DPYD: variants seen among roughly 807,000 people sequenced by gnomAD.
DPYD encodes dihydropyrimidine dehydrogenase [NADP(+)].
A neutral mutation model predicts 116.2 loss-of-function variants in DPYD; 109 were observed. The ratio of observed to expected loss-of-function variants is 0.94; its 90% CI spans 0.80 to 1.10. The LOEUF is 1.10. Among genes scored for constraint, DPYD ranks in the 50% least tolerant of loss-of-function variants. The pLI, the probability that DPYD is intolerant of heterozygous loss-of-function variation, is 0.00. For synonymous variants in DPYD, 440 were observed against 432.0 expected (o/e 1.02, Z -0.23); for missense variants, 1,302 against 1,254.5 (o/e 1.04, Z -0.57).
intron 14 of DPYD, among the ~76,000 whole-genome samples, chr1:97,401,815 G>T (rs1673394507): frequency 6.6e-6 from 1 of 152,100 alleles, no homozygotes; most frequent in South Asian, 2.1e-4. Context: ...TTGGTGAAGG[G>T]TGTGTCTAGA....
intron 20 of DPYD, among the ~76,000 whole-genome samples, chr1:97,115,768 T>C (rs1414483744): frequency 1.3e-5 from 2 of 152,150 alleles, no homozygotes; most frequent in Non-Finnish European, 2.9e-5. Flanking sequence ...TAATTTAGAA[T>C]GGTAGATATC....
At chr1:97,499,813 C>T (rs1679475248) in intron 13 of DPYD, among the ~76,000 whole-genome samples, 1 of 151,858 alleles carries the variant, frequency 6.6e-6, no homozygotes, top group Non-Finnish European at 1.5e-5. Flanking sequence ...GTTTTATTTA[C>T]ACAATAGTGT....
intron 8 of DPYD, among the ~76,000 whole-genome samples, chr1:97,637,212 C>G (rs1021612983): frequency 2.0e-5 from 3 of 152,010 alleles, no homozygotes; most frequent in Non-Finnish European, 4.4e-5. Flanking sequence ...ACCACACACA[C>G]CTCATAAATG....
At chr1:97,284,277 T>G (rs946112886) in intron 18 of DPYD, among the ~76,000 whole-genome samples, 1 of 152,120 alleles carries the variant, frequency 6.6e-6, no homozygotes, top group South Asian at 2.1e-4. Flanking sequence ...AACTCACTCA[T>G]TAAGTGTGAG....
intron 8 of DPYD, among the ~76,000 whole-genome samples, chr1:97,665,335 TTAATA>T (rs979412001): frequency 1.3e-5 from 2 of 152,176 alleles, no homozygotes; most frequent in African/African-American, 2.4e-5. Flanking sequence ...CAAATAGACA[TTAATA>T]TAATAAGTGA....
At chr1:97,716,255 A>G (rs1175851468) in intron 5 of DPYD, among the ~76,000 whole-genome samples, 4 of 152,092 alleles carry the variant, frequency 2.6e-5, no homozygotes, top group South Asian at 2.1e-4. Context: ...AATATATAGT[A>G]TATTCTTTCT....
chr1:97,240,389 C>T (rs1274088537), intron 18 of DPYD, among the ~76,000 whole-genome samples: 1 of 151,916 alleles, frequency 6.6e-6, no homozygotes, highest in African/African-American at 2.4e-5. Context: ...GAGTGTGGAA[C>T]ATATGCTAAA....
At chr1:97,289,290 C>T (rs554331966) in intron 18 of DPYD, among the ~76,000 whole-genome samples, 1 of 152,202 alleles carries the variant, frequency 6.6e-6, no homozygotes, top group African/African-American at 2.4e-5. Context: ...CCTTCTGAAA[C>T]TATTCCAATC....
At chr1:97,423,308 C>T (rs1372453117) in intron 14 of DPYD, among the ~76,000 whole-genome samples, 2 of 152,006 alleles carry the variant, frequency 1.3e-5, no homozygotes, top group Non-Finnish European at 2.9e-5. Flanking sequence ...AACCACACAA[C>T]CTCTAAGCTC....
At chr1:97,471,691 C>T (rs1040677184) in intron 13 of DPYD, among the ~76,000 whole-genome samples, 1 of 151,606 alleles carries the variant, frequency 6.6e-6, no homozygotes, top group African/African-American at 2.4e-5. Context: ...CGGGTCCAAG[C>T]GATTCTCCTG....
intron 16 of DPYD, among the ~76,000 whole-genome samples, chr1:97,351,442 G>A (rs770692920): frequency 6.6e-6 from 1 of 151,976 alleles, no homozygotes; most frequent in Non-Finnish European, 1.5e-5. Flanking sequence ...CAGGAAAAAG[G>A]TAAAGGGCAG....
At chr1:97,421,797 G>A (rs977973443) in intron 14 of DPYD, among the ~76,000 whole-genome samples, 2 of 152,126 alleles carry the variant, frequency 1.3e-5, no homozygotes, top group Non-Finnish European at 2.9e-5. Flanking sequence ...TATCTCTGGT[G>A]GAAAATTCTC....
At chr1:97,317,303 C>T (rs1266108813) in intron 16 of DPYD, among the ~76,000 whole-genome samples, 9 of 151,944 alleles carry the variant, frequency 5.9e-5, no homozygotes. Context: ...CCTGATACCA[C>T]CAGTAGGTGT....
At chr1:97,722,580 T>C (rs1210245067) in intron 4 of DPYD, among the ~76,000 whole-genome samples, 1 of 151,568 alleles carries the variant, frequency 6.6e-6, no homozygotes, top group Non-Finnish European at 1.5e-5. Flanking sequence ...GCTGATAGAA[T>C]GCACTTAACA....
intron 16 of DPYD, among the ~76,000 whole-genome samples, chr1:97,353,145 T>C (rs2101345626): frequency 6.6e-6 from 1 of 152,198 alleles, no homozygotes; most frequent in East Asian, 1.9e-4. Flanking sequence ...TTTCAAATAA[T>C]GGATTTTCTA....
intron 21 of DPYD, among the ~76,000 whole-genome samples, chr1:97,091,798 T>C (rs1266053774): frequency 6.6e-6 from 1 of 152,196 alleles, no homozygotes; most frequent in Non-Finnish European, 1.5e-5. Flanking sequence ...GCCTGGACTG[T>C]TACAATAGCT....
chr1:97,535,912 T>A (rs1219571486), intron 12 of DPYD, among the ~76,000 whole-genome samples: 1 of 152,208 alleles, frequency 6.6e-6, no homozygotes, highest in African/African-American at 2.4e-5. Context: ...GCATAATAAT[T>A]ATTTAAAAAT....
At chr1:97,805,015 C>T (rs1668016050) in intron 3 of DPYD, among the ~76,000 whole-genome samples, 3 of 151,742 alleles carry the variant, frequency 2.0e-5, no homozygotes, top group African/African-American at 7.2e-5. Flanking sequence ...CATTTTGATT[C>T]GTTTAAATGA....
intron 14 of DPYD, among the ~76,000 whole-genome samples, chr1:97,397,963 T>C (rs1228454894): frequency 6.6e-6 from 1 of 152,056 alleles, no homozygotes; most frequent in East Asian, 1.9e-4. Flanking sequence ...TTTTAAATTA[T>C]ACTTTAAGTT....
Sources: allele counts gnomAD v4.1 joint callset (sites outside exome capture counted in the v4.1 genomes callset), GRCh38; gene constraint gnomAD v4.1.1; transcripts MANE v1.5; gene names NCBI Gene and HGNC (gene_info 2026-07-23, HGNC 2026-07-21).